The following CCDC60 variants were observed in gnomAD, a reference collection of about 807,000 sequenced individuals.
The protein encoded by CCDC60 is coiled-coil domain containing 60.
In CCDC60, 54 loss-of-function variants were observed where a neutral mutation model predicts 63.5. The ratio of observed to expected loss-of-function variants is 0.85; its 90% CI spans 0.68 to 1.07. The LOEUF (loss-of-function observed/expected upper bound fraction) is 1.07. Among genes scored for constraint, CCDC60 ranks in the 50% least tolerant of loss-of-function variants. The pLI, the probability that CCDC60 is intolerant of heterozygous loss-of-function variation, is 0.00. For missense variants in CCDC60, 651 were observed against 684.3 expected, an observed-to-expected ratio of 0.95 and a Z score of 0.54; for synonymous variants, 206 against 238.8, an observed-to-expected ratio of 0.86 and a Z score of 1.27.
Position 119,470,170 on chromosome 12 carries a change from C to T in CCDC60, c.171-1824C>T, listed in dbSNP as rs116471708. 7.8e-3 allele frequency among the ~76,000 whole-genome samples: 1,187 copies of T among 152,284 alleles called. 22 individuals are homozygous for T. Among genetic ancestry groups the T allele is most frequent in the African/African-American group, 0.026 (1,077 of 41,556 alleles). The stretch of plus-strand genomic sequence containing the variant: ...TATTCCATCCACTGGTATGCCATGT[C>T]CCACTTTGTTCTACTGGTGAATTCC... On this transcript the variant is annotated intron_variant, in intron 2 of 13. Coordinates refer to ENST00000327554, the MANE Select transcript of CCDC60 (RefSeq NM_178499.5).
chr12:119,458,907 CA>C (rs761336627), intron 2 of CCDC60, among the ~76,000 whole-genome samples: 4 of 151,968 alleles, frequency 2.6e-5, no homozygotes, highest in Non-Finnish European at 5.9e-5. Flanking sequence ...CCACCATGCC[CA>C]GCTAATTTTT....
intron 1 of CCDC60, among the ~76,000 whole-genome samples, chr12:119,414,635 C>T (rs531101026): frequency 1.4e-4 from 22 of 152,174 alleles, no homozygotes; most frequent in Non-Finnish European, 2.8e-4. Flanking sequence ...ACCACAACCT[C>T]AAACTCTCGA....
At chr12:119,478,945 C>A in intron 3 of CCDC60, 149 bp from the exon 4 acceptor site, 1 of 658,672 alleles carries the variant, frequency 1.5e-6, no homozygotes, top group Non-Finnish European at 2.7e-6. Context: ...GGAACTGCAT[C>A]TGAAACCCTC....
chr12:119,413,139 C>T (rs907975517), intron 1 of CCDC60, among the ~76,000 whole-genome samples: 1 of 152,182 alleles, frequency 6.6e-6, no homozygotes, highest in African/African-American at 2.4e-5. Context: ...GCTGGCCCCT[C>T]ATACCTAGTC....
intron 1 of CCDC60, chr12:119,388,249 C>G (rs1471817013): frequency 1.3e-5 from 2 of 152,232 alleles, no homozygotes; most frequent in African/African-American, 2.4e-5. Flanking sequence ...GAGCTGCAAA[C>G]TCACACATAC....
chr12:119,487,566 G>T (rs1163572732), intron 4 of CCDC60, among the ~76,000 whole-genome samples: 3 of 152,054 alleles, frequency 2.0e-5, no homozygotes, highest in East Asian at 1.9e-4. Context: ...CAAAGTGCTG[G>T]GATTACAAGA....
intron 1 of CCDC60, among the ~76,000 whole-genome samples, chr12:119,384,763 A>C (rs1007167583): frequency 6.6e-6 from 1 of 152,212 alleles, no homozygotes; most frequent in Admixed American, 6.5e-5. Context: ...TCACCATGTC[A>C]CTGGTATGAC....
At chr12:119,400,628 TAGGAATGCCTGAA>T (rs1956375083) in intron 1 of CCDC60, among the ~76,000 whole-genome samples, 2 of 152,202 alleles carry the variant, frequency 1.3e-5, no homozygotes, top group African/African-American at 4.8e-5. Flanking sequence ...TTAACAGCCA[TAGGAATGCCTGAA>T]AGTGGAGATT....
chr12:119,478,157 T>A (rs975802340), intron 3 of CCDC60, among the ~76,000 whole-genome samples: 2 of 151,798 alleles, frequency 1.3e-5, no homozygotes, highest in African/African-American at 2.4e-5. Flanking sequence ...CTACTTAAAA[T>A]ACAAAAAAGT....
At chr12:119,421,011 G>T (rs933321928) in intron 1 of CCDC60, among the ~76,000 whole-genome samples, 1 of 151,982 alleles carries the variant, frequency 6.6e-6, no homozygotes, top group African/African-American at 2.4e-5. Flanking sequence ...CAGCAAGCTC[G>T]CTTCTCAGTG....
chr12:119,336,485 G>T, intron 1 of CCDC60, among the ~76,000 whole-genome samples: 1 of 152,140 alleles, frequency 6.6e-6, no homozygotes, highest in Non-Finnish European at 1.5e-5. Flanking sequence ...ATGAATTGTA[G>T]GTTTGCCGTC....
At chr12:119,517,299 A>G (rs1024333424) in intron 8 of CCDC60, among the ~76,000 whole-genome samples, 5 of 152,154 alleles carry the variant, frequency 3.3e-5, no homozygotes, top group Non-Finnish European at 7.4e-5. Context: ...TGGCAAATCC[A>G]GACATTTCTA....
intron 2 of CCDC60, among the ~76,000 whole-genome samples, chr12:119,459,028 A>G (rs536423579): frequency 6.6e-6 from 1 of 152,332 alleles, no homozygotes; most frequent in East Asian, 1.9e-4. Context: ...AAAGTGGATT[A>G]CAGGCGTGAA....
Position 119,516,665 on chromosome 12 carries a change from G to A in CCDC60, c.926G>A (p.Arg309Lys). 1 of 1,613,948 alleles carries A rather than the reference G, an allele frequency of 6.2e-7. No individual in the cohort carries two copies. Among genetic ancestry groups the A allele is most frequent in the Non-Finnish European group, 8.5e-7 (1 of 1,179,902 alleles). Residue 309 changes from arginine (R) to lysine (K), a missense_variant, in exon 8 of 14, where the codon AGG (arginine) becomes AAG (lysine). By Grantham distance (26) the Arg-to-Lys change is conservative. Coordinates refer to ENST00000327554, the MANE Select transcript of CCDC60 (RefSeq NM_178499.5). Reference sequence around the variant, plus strand: ...GAGATGGTTCGGGAAGATGCCCGGAGGACAGTCACAATAGAAAATGGGATG... The same window carrying A: ...GAGATGGTTCGGGAAGATGCCCGGAAGACAGTCACAATAGAAAATGGGATG... ...LLEMVREDAR[R>K]TVTIENGMQR...
chr12:119,482,763 T>A (rs1254009203), intron 4 of CCDC60, among the ~76,000 whole-genome samples: 1 of 152,062 alleles, frequency 6.6e-6, no homozygotes, highest in African/African-American at 2.4e-5. Context: ...GCTGGTCAGG[T>A]TGGCTCGGCT....
At chr12:119,434,405 G>C (rs1395239928) in intron 2 of CCDC60, among the ~76,000 whole-genome samples, 1 of 152,020 alleles carries the variant, frequency 6.6e-6, no homozygotes, top group East Asian at 1.9e-4. Context: ...AGGCATTGCT[G>C]TATATATTGG....
intron 2 of CCDC60, among the ~76,000 whole-genome samples, chr12:119,445,433 CAAAAAAA>C (rs58415660): frequency 5.9e-3 from 160 of 27,206 alleles, no homozygotes; most frequent in Non-Finnish European, 7.3e-3. Flanking sequence ...GACTCCATCT[CAAAAAAA>C]AAAAAAAAAA....
At chr12:119,436,836 C>A (rs528611175) in intron 2 of CCDC60, among the ~76,000 whole-genome samples, 1 of 152,258 alleles carries the variant, frequency 6.6e-6, no homozygotes, top group East Asian at 1.9e-4. Flanking sequence ...TGTGCCCGGC[C>A]GAGTGATACC....
chr12:119,500,279 T>A (rs944771323), intron 6 of CCDC60, 111 bp downstream of exon 6: 1 of 738,768 alleles, frequency 1.4e-6, no homozygotes, highest in Non-Finnish European at 2.3e-6. Flanking sequence ...TAGTTGGTTC[T>A]CGGAGTGAAG....
Sources: allele counts gnomAD v4.1 joint callset (sites outside exome capture counted in the v4.1 genomes callset), GRCh38; gene constraint gnomAD v4.1.1; transcripts MANE v1.5; gene names NCBI Gene and HGNC (gene_info 2026-07-23, HGNC 2026-07-21).